RAF1: variants seen among roughly 807,000 people sequenced by gnomAD.
The protein encoded by RAF1 is Raf-1 proto-oncogene, serine/threonine kinase.
In RAF1, 27 loss-of-function variants were observed where a neutral mutation model predicts 81.1. That is an observed-to-expected ratio of 0.33 (90% CI 0.25 to 0.46). The LOEUF (loss-of-function observed/expected upper bound fraction) is 0.46, where lower values mean the gene tolerates loss of function less well. Ranked by LOEUF, RAF1 falls within the 20% of genes least tolerant of loss-of-function variation. The probability of loss-of-function intolerance (pLI) is 1.00; values close to 1 mark genes in which losing one functional copy is unlikely to be tolerated. For missense variants in RAF1, 598 were observed against 826.0 expected (o/e 0.72, Z 3.38); for synonymous variants, 298 against 294.0 (o/e 1.01, Z -0.14).
chr3:12,627,681 T>C (rs1470100249), intron 1 of RAF1, among the ~76,000 whole-genome samples: 1 of 152,078 alleles, frequency 6.6e-6, no homozygotes. Flanking sequence ...ATTAGCTTCA[T>C]GCATCATTCT....
Position 12,604,070 on chromosome 3 carries a change from CTG to C in RAF1, c.834+64_834+65del, listed in dbSNP as rs2125396253. The C allele has an allele frequency of 5.0e-6, 8 of 1,588,714 alleles. No individual in the cohort carries two copies. In the South Asian group the frequency reaches 8.9e-5, roughly 18 times the overall value. ...TTGATCAGATTTGAAACCCAAAACTCTGAAATAAGTATCAACCTCACCCCATT... is the reference window on the plus strand; with the variant it reads ...TTGATCAGATTTGAAACCCAAAACTCAAATAAGTATCAACCTCACCCCATT... On this transcript the variant is annotated intron_variant, in intron 7 of 17. Transcript: ENST00000442415.
chr3:12,597,193 T>C (rs149129279), intron 11 of RAF1, among the ~76,000 whole-genome samples: 3 of 152,290 alleles, frequency 2.0e-5, no homozygotes, highest in African/African-American at 4.8e-5. Flanking sequence ...CCACCGCACC[T>C]GGCCTAAAAA....
chr3:12,585,655 C>T (rs2125325227), intron 15 of RAF1, 26 bp downstream of exon 14: 2 of 1,554,178 alleles, frequency 1.3e-6, no homozygotes, highest in Non-Finnish European at 1.8e-6. Flanking sequence ...ATACCAGAGA[C>T]TGCTGGTGGG....
chr3:12,594,024 A>G (rs1302265490), intron 11 of RAF1, among the ~76,000 whole-genome samples: 1 of 152,154 alleles, frequency 6.6e-6, no homozygotes, highest in Non-Finnish European at 1.5e-5. Context: ...GACTGGGCAC[A>G]TCAGAAATAA....
At chr3:12,626,231 C>CAAAA (rs2059697712) in intron 1 of RAF1, among the ~76,000 whole-genome samples, 3 of 128,652 alleles carry the variant, frequency 2.3e-5, no homozygotes, top group South Asian at 5.1e-4. Context: ...GCAACATGAG[C>CAAAA]AAAACTCTGT....
At chr3:12,635,487 T>G (rs2059994034) in intron 1 of RAF1, among the ~76,000 whole-genome samples, 1 of 147,934 alleles carries the variant, frequency 6.8e-6, no homozygotes, top group Non-Finnish European at 1.5e-5. Flanking sequence ...AAATACAAAA[T>G]TAGCCCGGTG....
rs181088598 is a variant in RAF1, at chr3:12,630,164, T to C, written c.-26-11417A>G. On this transcript the variant is annotated intron_variant, in intron 1 of 17. Coordinates refer to ENST00000442415, the MANE Select transcript of RAF1 (RefSeq NM_001354689.3). ...GGGAAGTTACTCACAATTTTACTAA[T>C]CCTAACACATTTTTTTGGGTATCAT... Among the ~76,000 whole-genome samples the C allele has an allele frequency of 4.6e-5, 7 of 152,304 alleles. No homozygotes were observed. The East Asian group carries it at 1.3e-3, about 29-fold the overall frequency.
At chr3:12,621,266 TG>T (rs2125462158) in intron 1 of RAF1, among the ~76,000 whole-genome samples, 1 of 152,330 alleles carries the variant, frequency 6.6e-6, no homozygotes, top group Non-Finnish European at 1.5e-5. Context: ...TGGGCTGCAC[TG>T]ACTCCATAGC....
intron 1 of RAF1, among the ~76,000 whole-genome samples, chr3:12,628,751 TG>T (rs35539372): frequency 0.13 from 10,671 of 81,920 alleles, 419 homozygotes; most frequent in Middle Eastern, 0.15. Context: ...AGACTATTTT[TG>T]GGGGGGGGGG....
chr3:12,627,819 T>C (rs2059749194), intron 1 of RAF1, among the ~76,000 whole-genome samples: 1 of 152,260 alleles, frequency 6.6e-6, no homozygotes, highest in African/African-American at 2.4e-5. Flanking sequence ...TGAATATTTC[T>C]TTTAGAAAGT....
chr3:12,604,094 C>A (rs750639033), intron 7 of RAF1, 42 bp downstream of exon 7: 3 of 1,610,162 alleles, frequency 1.9e-6, no homozygotes, highest in Non-Finnish European at 2.5e-6. Flanking sequence ...AACCTCACCC[C>A]ATTAATTGAC....
chr3:12,598,779 GTTTGATA>G (rs1429614897), intron 11 of RAF1, among the ~76,000 whole-genome samples: 1 of 142,472 alleles, frequency 7.0e-6, no homozygotes, highest in Admixed American at 7.1e-5. Context: ...AACTGGAGGT[GTTTGATA>G]TTTTCAGTAC....
chr3:12,611,692 T>A (rs1462679811), intron 3 of RAF1, among the ~76,000 whole-genome samples: 1 of 152,048 alleles, frequency 6.6e-6, no homozygotes, highest in East Asian at 1.9e-4. Flanking sequence ...AGAGCAAGAC[T>A]CCACCTCAAA....
In RAF1 at chr3:12,590,982, G is replaced by A; in HGVS notation, c.1254-8C>T. ...TTCACATGCCGTGTTTTGCTGGGGA[G>A]GGGAGGGGAAGAGAGGAGAGGGAGG... On this transcript the variant is annotated splice_polypyrimidine_tract_variant and splice_region_variant and intron_variant, in intron 12 of 17. Coordinates refer to ENST00000442415, the MANE Select transcript of RAF1 (RefSeq NM_001354689.3). 6.2e-7 allele frequency: 1 copy of A among 1,604,638 alleles called. No homozygotes were observed. Among genetic ancestry groups the A allele is most frequent in the Non-Finnish European group, 8.5e-7 (1 of 1,172,968 alleles).
chr3:12,623,089 A>C (rs963824562), intron 1 of RAF1, among the ~76,000 whole-genome samples: 2 of 152,142 alleles, frequency 1.3e-5, no homozygotes, highest in Non-Finnish European at 2.9e-5. Flanking sequence ...ATAGATATAT[A>C]TTTTCAATTG....
chr3:12,605,282 G>GTGTGTA (rs1479689253), intron 6 of RAF1, among the ~76,000 whole-genome samples: 1 of 151,072 alleles, frequency 6.6e-6, no homozygotes, highest in Non-Finnish European at 1.5e-5. Flanking sequence ...GTGTGTGTGT[G>GTGTGTA]TATACATAAT....
chr3:12,592,861 G>A (rs149183259), intron 11 of RAF1, among the ~76,000 whole-genome samples: 15 of 148,200 alleles, frequency 1.0e-4, no homozygotes, highest in African/African-American at 1.3e-4. Flanking sequence ...TCAGCCTCCC[G>A]AGTAGCTGGG....
rs1432541971 is a variant in RAF1, at chr3:12,646,134, C to CA, written c.-27+17678dup. On this transcript the variant is annotated intron_variant, in intron 1 of 17. Coordinates refer to ENST00000442415, the MANE Select transcript of RAF1 (RefSeq NM_001354689.3). ...AATAATATACTAATAGATGGTGTAT[C>CA]AAAAATCTAATCTTTGTTTTTTAGA... 2.0e-5 allele frequency among the ~76,000 whole-genome samples: 3 copies of CA among 152,122 alleles called. No homozygotes were observed. The East Asian group carries it at 5.8e-4, about 29-fold the overall frequency.
chr3:12,585,103 C>T lies in RAF1; in HGVS notation c.1728+19G>A, dbSNP rs5746245. 81 of 1,613,966 alleles carry T rather than the reference C, an allele frequency of 5.0e-5. No homozygotes were observed. The highest frequency in any genetic ancestry group is 1.9e-4 in the African/African-American group (14 of 74,878). On this transcript the variant is annotated intron_variant, in intron 16 of 17. Coordinates refer to ENST00000442415, the MANE Select transcript of RAF1 (RefSeq NM_001354689.3). ...GGGGCTCCCACGAGTTGGGTCCTTT[C>T]GCACCAGCACAGACTTACCTGATCT...
Sources: allele counts gnomAD v4.1 joint callset (sites outside exome capture counted in the v4.1 genomes callset), GRCh38; gene constraint gnomAD v4.1.1; transcripts MANE v1.5; gene names NCBI Gene and HGNC (gene_info 2026-07-23, HGNC 2026-07-21).